Variants in BCAR3 observed in about 807,000 individuals in gnomAD.
The protein encoded by BCAR3 is BCAR3 adaptor protein, NSP family member.
BCAR3 carries 37 observed loss-of-function variants against 80.1 expected under a neutral mutation model. The observed-to-expected ratio is 0.46, with a 90% CI of 0.36 to 0.61. BCAR3 has a LOEUF of 0.61. Ranked by LOEUF, BCAR3 falls within the 20% of genes least tolerant of loss-of-function variation. The pLI is 0.00. For missense variants in BCAR3, 978 were observed against 1,068.2 expected, an observed-to-expected ratio of 0.92 and a Z score of 1.18; for synonymous variants, 389 against 418.9, an observed-to-expected ratio of 0.93 and a Z score of 0.87.
At chr1:93,836,179 A>G (rs1654760727) in intron 2 of BCAR3, among the ~76,000 whole-genome samples, 2 of 152,170 alleles carry the variant, frequency 1.3e-5, no homozygotes, top group South Asian at 4.1e-4. Context: ...GGTACAGCCC[A>G]TTTAAGCTCC....
intron 2 of BCAR3, among the ~76,000 whole-genome samples, chr1:93,725,574 TG>T (rs1650551359): frequency 6.6e-6 from 1 of 152,206 alleles, no homozygotes; most frequent in Non-Finnish European, 1.5e-5. Flanking sequence ...TCTCTCAGTT[TG>T]GGGTTTGTTT....
chr1:93,775,684 A>G (rs1436943285), intron 2 of BCAR3, among the ~76,000 whole-genome samples: 4 of 152,242 alleles, frequency 2.6e-5, no homozygotes, highest in African/African-American at 9.6e-5. Context: ...ACATAATGGA[A>G]TAAAAAAGAG....
intron 3 of BCAR3, among the ~76,000 whole-genome samples, chr1:93,603,300 A>G (rs968130604): frequency 5.3e-5 from 8 of 152,262 alleles, no homozygotes; most frequent in African/African-American, 1.7e-4. Context: ...TGCCAGAACC[A>G]TAGCTAAGGA....
At chr1:93,644,526 C>T (rs1441440227) in intron 2 of BCAR3, among the ~76,000 whole-genome samples, 1 of 152,186 alleles carries the variant, frequency 6.6e-6, no homozygotes, top group Non-Finnish European at 1.5e-5. Flanking sequence ...TCATGCCTCC[C>T]TAAAATGTAT....
intron 2 of BCAR3, among the ~76,000 whole-genome samples, chr1:93,824,955 G>C (rs1471457685): frequency 7.5e-6 from 1 of 133,742 alleles, no homozygotes; most frequent in East Asian, 2.9e-4. Context: ...AGGCAGCTTT[G>C]TTGGGCTTGG....
intron 3 of BCAR3, among the ~76,000 whole-genome samples, chr1:93,606,044 C>T (rs906349842): frequency 2.0e-5 from 3 of 152,170 alleles, no homozygotes; most frequent in Non-Finnish European, 2.9e-5. Context: ...GTGCTAAGTA[C>T]GCAGCAGGCT....
At chr1:93,584,216 A>C in intron 5 of BCAR3, 95 bp from the exon 6 acceptor site, 1 of 1,106,660 alleles carries the variant, frequency 9.0e-7, no homozygotes, top group Non-Finnish European at 1.3e-6. Context: ...AAACAAAAAA[A>C]AAGAAAACTG....
intron 2 of BCAR3, chr1:93,845,485 T>TAC (rs1655126510): frequency 1.5e-5 from 1 of 65,554 alleles, no homozygotes; most frequent in Admixed American, 1.5e-4. Context: ...TATATATATA[T>TAC]ATATATATAT....
At position 93,562,687 on chromosome 1, in the gene BCAR3, C is replaced by G. The variant is rs698933; in HGVS notation, c.2300-268G>C. Among the ~76,000 whole-genome samples the G allele has an allele frequency of 2.4e-3, 342 of 143,318 alleles. 1 individual carries two copies. The highest frequency in any genetic ancestry group is 9.9e-3 in the South Asian group (44 of 4,448). The allele number at this position is 143,318 out of a possible 152,430, so 94.0% of individuals were successfully genotyped here. ...TCGGGAGGCTGAGGCAGGAGAATGGCGTGAACCCGGGAGGTGGAGCTTGCA... is the reference window on the plus strand; with the variant it reads ...TCGGGAGGCTGAGGCAGGAGAATGGGGTGAACCCGGGAGGTGGAGCTTGCA... On this transcript the variant is annotated intron_variant, in intron 11 of 11. Transcript: ENST00000260502.
Position 93,589,215 on chromosome 1 carries a change from C to A in BCAR3, c.691G>T (p.Val231Leu), listed in dbSNP as rs1480594961. 4 of 1,613,840 alleles carry A rather than the reference C, an allele frequency of 2.5e-6. No homozygotes were observed. The highest frequency in any genetic ancestry group is 1.3e-5 in the African/African-American group (1 of 74,948). ...CGGCGGTTGCCCACGTAGCAGCGCA[C>A]CAGGCCGGGGATGGAGTCGAAGCTC... is the stretch of plus-strand genomic sequence containing the variant. Reference protein sequence around the residue: ...MESFDSIPGLVRCYVGNRRPI... With the variant: ...MESFDSIPGLLRCYVGNRRPI... Residue 231 changes from valine to leucine, a missense_variant, in exon 5 of 12, where the codon GTG becomes TTG. Val to Leu is a conservative substitution (Grantham distance 32). Coordinates refer to ENST00000260502, the MANE Select transcript of BCAR3 (RefSeq NM_003567.4).
At chr1:93,664,034 C>A (rs747477264) in intron 2 of BCAR3, among the ~76,000 whole-genome samples, 3 of 152,230 alleles carry the variant, frequency 2.0e-5, no homozygotes, top group African/African-American at 7.2e-5. Context: ...TAGACAAGAA[C>A]ACATTTCCCT....
At chr1:93,610,909 C>A in intron 3 of BCAR3, among the ~76,000 whole-genome samples, 1 of 150,684 alleles carries the variant, frequency 6.6e-6, no homozygotes. Flanking sequence ...CCAGCCTGGG[C>A]AACTACGTCT....
Position 93,576,136 on chromosome 1 carries a change from A to G in BCAR3, c.1687-7T>C. 1.2e-6 allele frequency: 2 copies of G among 1,611,336 alleles called. No individual in the cohort carries two copies. Among genetic ancestry groups the G allele is most frequent in the African/African-American group, 1.3e-5 (1 of 74,990 alleles). On this transcript the variant is annotated splice_region_variant and splice_polypyrimidine_tract_variant and intron_variant, in intron 7 of 11. Transcript: ENST00000260502. The stretch of plus-strand genomic sequence containing the variant: ...CTCCAAGTATCCTAGCAACCTGTCA[A>G]GAGCCAAAGTTGAAATACACTGGAT...
In BCAR3 at chr1:93,656,136, C is replaced by T. The variant is rs183009216; in HGVS notation, c.318-13793G>A. Reference sequence around the variant, plus strand: ...TAATTGTTACTGTGCTTTCTTTGCCCTTTGACTGCTTTTGAGATCTTTTCA... The same window carrying T: ...TAATTGTTACTGTGCTTTCTTTGCCTTTTGACTGCTTTTGAGATCTTTTCA... On this transcript the variant is annotated intron_variant, in intron 2 of 11. Coordinates refer to ENST00000260502, the MANE Select transcript of BCAR3 (RefSeq NM_003567.4). Among the ~76,000 whole-genome samples, 502 of 152,220 alleles carry T rather than the reference C, an allele frequency of 3.3e-3. 2 individuals are homozygous for T. The highest frequency in any genetic ancestry group is 3.8e-3 in the Non-Finnish European group (260 of 67,996).
chr1:93,743,653 GT>G (rs1173344597), intron 2 of BCAR3, among the ~76,000 whole-genome samples: 1 of 152,192 alleles, frequency 6.6e-6, no homozygotes, highest in Non-Finnish European at 1.5e-5. Flanking sequence ...GGTTAACTCT[GT>G]TTGAAAAATG....
chr1:93,706,510 T>G (rs180774988), intron 2 of BCAR3, among the ~76,000 whole-genome samples: 2 of 152,122 alleles, frequency 1.3e-5, no homozygotes, highest in Non-Finnish European at 2.9e-5. Context: ...CAGAGGACTG[T>G]GATTACAGCA....
chr1:93,589,580 C>T (rs1327140986), intron 4 of BCAR3, among the ~76,000 whole-genome samples, 161 bp from the exon 5 acceptor site: 1 of 152,166 alleles, frequency 6.6e-6, no homozygotes, highest in Non-Finnish European at 1.5e-5. Context: ...ATAGAAGAGC[C>T]AATCATTCAT....
chr1:93,842,148 CTT>C lies in BCAR3; in HGVS notation c.-63+3417_-63+3418del, dbSNP rs3068798. Among the ~76,000 whole-genome samples the C allele has an allele frequency of 7.4e-3, 1,062 of 143,418 alleles. 8 individuals carry two copies. The highest frequency in any genetic ancestry group is 0.015 in the African/African-American group (574 of 38,478). 94.1% of individuals were successfully genotyped at this position (143,418 alleles called of 152,430 possible). On this transcript the variant is annotated intron_variant, in intron 2 of 13. Transcript: ENST00000370244. ...CACAGCTGTTTGTGTACCTGTCATC[CTT>C]TTTTTTTTTTTTTCCCCAGAGATGG...
intron 11 of BCAR3, 89 bp from the exon 12 acceptor site, chr1:93,562,508 G>A (rs575374238): frequency 3.6e-5 from 46 of 1,263,752 alleles, no homozygotes; most frequent in Middle Eastern, 5.5e-4. Context: ...GGTGGCTCAC[G>A]CCTGTAATCC....
Sources: allele counts gnomAD v4.1 joint callset (sites outside exome capture counted in the v4.1 genomes callset), GRCh38; gene constraint gnomAD v4.1.1; transcripts MANE v1.5; gene names NCBI Gene and HGNC (gene_info 2026-07-23, HGNC 2026-07-21).